DPP10: variants seen among roughly 807,000 people sequenced by gnomAD.
DPP10 encodes inactive dipeptidyl peptidase 10.
In DPP10, 33 loss-of-function variants were observed where a neutral mutation model predicts 120.9. The ratio of observed to expected loss-of-function variants is 0.27; its 90% CI spans 0.21 to 0.37. DPP10 has a LOEUF of 0.37. Ranked by LOEUF, DPP10 falls within the 10% of genes least tolerant of loss-of-function variation. DPP10 has a pLI of 1.00. For synonymous variants in DPP10, 337 were observed against 326.1 expected (o/e 1.03, Z -0.36); for missense variants, 816 against 942.8 (o/e 0.87, Z 1.76).
At chr2:115,441,897 C>T (rs1028331701) in intron 3 of DPP10, among the ~76,000 whole-genome samples, 3 of 148,802 alleles carry the variant, frequency 2.0e-5, no homozygotes, top group African/African-American at 7.5e-5. Flanking sequence ...CTCACTTCAA[C>T]CTCCACTTCC....
chr2:115,252,764 G>A (rs566227581), intron 1 of DPP10, among the ~76,000 whole-genome samples: 1 of 152,182 alleles, frequency 6.6e-6, no homozygotes, highest in East Asian at 1.9e-4. Flanking sequence ...CAAATCTCTG[G>A]TCTCAAACTA....
intron 1 of DPP10, among the ~76,000 whole-genome samples, chr2:114,913,186 C>T (rs1332779613): frequency 6.6e-6 from 1 of 152,222 alleles, no homozygotes; most frequent in Non-Finnish European, 1.5e-5. Context: ...TGGATAGCTT[C>T]TGTAAGTGGG....
intron 1 of DPP10, among the ~76,000 whole-genome samples, chr2:114,620,404 G>T (rs565664134): frequency 1.3e-5 from 2 of 151,824 alleles, no homozygotes; most frequent in Non-Finnish European, 2.9e-5. Flanking sequence ...GTTAATTATC[G>T]CCTTATTTGA....
At chr2:114,898,692 A>G (rs1022378294) in intron 1 of DPP10, among the ~76,000 whole-genome samples, 2 of 152,146 alleles carry the variant, frequency 1.3e-5, no homozygotes, top group East Asian at 3.9e-4. Context: ...AATAATAACA[A>G]CTATTTAGTT....
At chr2:114,960,439 C>A (rs1249416186) in intron 1 of DPP10, among the ~76,000 whole-genome samples, 4 of 150,134 alleles carry the variant, frequency 2.7e-5, no homozygotes, top group African/African-American at 9.8e-5. Context: ...TGCTGGAAAA[C>A]CAAAAAATTG....
At chr2:115,528,445 T>C (rs957958927) in intron 5 of DPP10, among the ~76,000 whole-genome samples, 5 of 140,468 alleles carry the variant, frequency 3.6e-5, no homozygotes, top group African/African-American at 1.5e-4. Flanking sequence ...TATTTAAACA[T>C]TAAAAAAAAA....
chr2:115,816,099 T>C (rs986575643), intron 21 of DPP10, among the ~76,000 whole-genome samples: 4 of 152,134 alleles, frequency 2.6e-5, no homozygotes, highest in Non-Finnish European at 4.4e-5. Flanking sequence ...GGGCAGTTAG[T>C]TGGCACCTGG....
intron 5 of DPP10, among the ~76,000 whole-genome samples, chr2:115,566,276 A>C (rs2081003873): frequency 6.6e-6 from 1 of 152,046 alleles, no homozygotes; most frequent in Non-Finnish European, 1.5e-5. Flanking sequence ...TATATCTTAT[A>C]TACGTTTTTT....
At chr2:115,595,003 C>G (rs528406928) in intron 5 of DPP10, among the ~76,000 whole-genome samples, 1 of 151,998 alleles carries the variant, frequency 6.6e-6, no homozygotes, top group South Asian at 2.1e-4. Flanking sequence ...TTTTAACATA[C>G]CAAATAAGCT....
chr2:115,268,480 C>G (rs1314071768), intron 1 of DPP10, among the ~76,000 whole-genome samples: 1 of 152,130 alleles, frequency 6.6e-6, no homozygotes, highest in African/African-American at 2.4e-5. Flanking sequence ...AAATACGATG[C>G]ATTATTTCTT....
At chr2:115,248,904 T>C (rs1320495321) in intron 1 of DPP10, among the ~76,000 whole-genome samples, 1 of 152,192 alleles carries the variant, frequency 6.6e-6, no homozygotes, top group East Asian at 1.9e-4. Context: ...GTATTGAGGA[T>C]ACTTTCAAAG....
chr2:115,359,574 G>A (rs1006318841), intron 3 of DPP10, among the ~76,000 whole-genome samples: 2 of 151,932 alleles, frequency 1.3e-5, no homozygotes, highest in African/African-American at 4.8e-5. Context: ...CACTGACTTT[G>A]GAAAATCTAT....
chr2:114,871,666 G>A lies in DPP10; in HGVS notation c.60+428828G>A, dbSNP rs535505991. Among the ~76,000 whole-genome samples the A allele has an allele frequency of 3.3e-5, 5 of 152,174 alleles. No homozygotes were observed. The East Asian group carries it at 9.7e-4, about 29-fold the overall frequency. ...TCAACTTGTGTTTTAGATTCGAGGG[G>A]GTACATGTTTAGGTTTGGAAAACTA... On this transcript the variant is annotated intron_variant, in intron 1 of 25. Coordinates refer to ENST00000410059, the MANE Select transcript of DPP10 (RefSeq NM_020868.6).
intron 1 of DPP10, among the ~76,000 whole-genome samples, chr2:115,197,949 G>A (rs896564938): frequency 2.6e-5 from 4 of 152,118 alleles, no homozygotes; most frequent in East Asian, 1.9e-4. Flanking sequence ...ATCTCTGGAC[G>A]TGATAAATGC....
chr2:115,279,646 T>TTTC (rs1559356855), intron 1 of DPP10, among the ~76,000 whole-genome samples: 121 of 141,698 alleles, frequency 8.5e-4, no homozygotes, highest in Non-Finnish European at 1.3e-3. Context: ...TCTTTCTTTT[T>TTTC]TTCTTCTTCT....
At chr2:115,244,235 TATATAGAGAGAG>T (rs1382381810) in intron 1 of DPP10, among the ~76,000 whole-genome samples, 613 of 53,992 alleles carry the variant, frequency 0.011, 1 homozygote, top group Middle Eastern at 0.041. Context: ...TATATATATA[TATATAGAGAGAG>T]AGAGAGAGAG....
At chr2:115,660,299 A>G (rs2088811901) in intron 5 of DPP10, among the ~76,000 whole-genome samples, 1 of 152,128 alleles carries the variant, frequency 6.6e-6, no homozygotes, top group South Asian at 2.1e-4. Flanking sequence ...AATCAAGGTG[A>G]ACTTTTTTAG....
chr2:115,337,927 A>C (rs2063243225), intron 2 of DPP10, among the ~76,000 whole-genome samples: 1 of 152,034 alleles, frequency 6.6e-6, no homozygotes, highest in Non-Finnish European at 1.5e-5. Context: ...TTAATTATTA[A>C]ATTACATAAT....
intron 1 of DPP10, among the ~76,000 whole-genome samples, chr2:115,027,236 CAG>C (rs770781902): frequency 6.6e-6 from 1 of 152,070 alleles, no homozygotes; most frequent in African/African-American, 2.4e-5. Flanking sequence ...GACTATTTTG[CAG>C]AGTCTTTATG....
Sources: allele counts gnomAD v4.1 joint callset (sites outside exome capture counted in the v4.1 genomes callset), GRCh38; gene constraint gnomAD v4.1.1; transcripts MANE v1.5; gene names NCBI Gene and HGNC (gene_info 2026-07-23, HGNC 2026-07-21).